Variants in CASKIN2 observed in about 807,000 individuals in gnomAD.
The protein encoded by CASKIN2 is CASK interacting protein 2, also known as caskin-2.
In CASKIN2, 41 loss-of-function variants were observed where a neutral mutation model predicts 107.1. The ratio of observed to expected loss-of-function variants is 0.38; its 90% confidence interval spans 0.30 to 0.50. The LOEUF (loss-of-function observed/expected upper bound fraction) is 0.50. Ranked by LOEUF, CASKIN2 falls within the 20% of genes least tolerant of loss-of-function variation. The pLI, the probability that CASKIN2 is intolerant of heterozygous loss-of-function variation, is 0.92. For missense variants in CASKIN2, 1,546 were observed against 1,657.4 expected (o/e 0.93, Z 1.17); for synonymous variants, 724 against 705.6 (o/e 1.03, Z -0.41).
chr17:75,504,332 G>A lies in CASKIN2; in HGVS notation c.1376-26C>T, dbSNP rs771982307. The A allele has an allele frequency of 5.0e-6, 8 of 1,600,760 alleles. No homozygotes were observed. In the African/African-American group the frequency reaches 9.4e-5, roughly 19 times the overall value. ...CTTCAAGGAGAGAGAAAAATGGAATGGAAAGGTGGCAGGAGGAAGGGGTGC... is the reference window on the plus strand; with the variant it reads ...CTTCAAGGAGAGAGAAAAATGGAATAGAAAGGTGGCAGGAGGAAGGGGTGC... On this transcript the variant is annotated intron_variant, in intron 13 of 19. Transcript: ENST00000321617.
At chr17:75,504,722 A>T in intron 11 of CASKIN2, 29 bp from the exon 12 acceptor site, 1 of 1,581,590 alleles carries the variant, frequency 6.3e-7, no homozygotes, top group Non-Finnish European at 8.6e-7. Flanking sequence ...AAGGGGTCAG[A>T]GTCCCAAGTG....
chr17:75,502,486 G>A lies in CASKIN2; in HGVS notation c.2588C>T (p.Ala863Val), dbSNP rs1317399612. ...CGGGGGCGGGGGGCCTTTGCGCCGG[G>A]CCCGCAGGGCAAAGGACTGGCTGCG... ...TPRSQSFALR[A>V]RRKGPPPPPP... is the part of the protein sequence containing the mutation. The change falls in exon 18 of 20, where the codon GCC becomes GTC. Residue 863 changes from alanine to valine, a missense_variant. Ala to Val is a moderately conservative substitution (Grantham distance 64). This residue lies in a region of CASKIN2 where 1,311 missense variants were observed against 1,311.0 expected (regional missense o/e 1.00). Coordinates refer to ENST00000321617, the MANE Select transcript of CASKIN2 (RefSeq NM_020753.5). This position sits in a 1 kb window ranked among gnomAD's most constrained non-coding sequence, Gnocchi z 4.3. 2 of 1,454,060 alleles carry A rather than the reference G, an allele frequency of 1.4e-6. No homozygotes were observed. The highest frequency in any genetic ancestry group is 2.5e-5 in the East Asian group (1 of 40,246). 90.1% of individuals were successfully genotyped at this position (1,454,060 alleles called of 1,614,324 possible).
In CASKIN2 at chr17:75,502,041, C is replaced by G; in HGVS notation, c.3033G>C (p.Val1011=). The part of the protein sequence containing the change: ...PLQTALLAFG[V]ASATPGPAAP... Reference sequence around the variant, plus strand: ...CAGCGGGGCCAGGCGTGGCACTGGCCACTCCGAAGGCCAGCAGTGCGGTCT... The same window carrying G: ...CAGCGGGGCCAGGCGTGGCACTGGCGACTCCGAAGGCCAGCAGTGCGGTCT... The change falls in exon 18 of 20, where the codon GTG becomes GTC. Residue 1011 remains valine (V), a synonymous_variant. Transcript: ENST00000321617. The surrounding 1 kb of genome is among the most constrained non-coding windows in gnomAD (Gnocchi z 4.3). 1.2e-6 allele frequency: 2 copies of G among 1,612,580 alleles called. No homozygotes were observed. Among genetic ancestry groups the G allele is most frequent in the African/African-American group, 2.7e-5 (2 of 74,988 alleles).
Position 75,502,617 on chromosome 17 carries a change from C to T in CASKIN2, c.2457G>A (p.Val819=). The T allele has an allele frequency of 6.2e-7, 1 of 1,604,646 alleles. No homozygotes were observed. Among genetic ancestry groups the T allele is most frequent in the Non-Finnish European group, 8.5e-7 (1 of 1,175,530 alleles). The change falls in exon 18 of 20, where the codon GTG becomes GTA. Residue 819 remains valine, a synonymous_variant. Coordinates refer to ENST00000321617, the MANE Select transcript of CASKIN2 (RefSeq NM_020753.5). The surrounding 1 kb of genome is among the most constrained non-coding windows in gnomAD (Gnocchi z 4.3). ...GDAEGEAEGP[V]GSTLGSYATL... The stretch of plus-strand genomic sequence containing the variant: ...TAGCATAACTGCCTAGGGTGCTGCC[C>T]ACTGGCCCTTCGGCCTCCCCCTCAG...
intron 2 of CASKIN2, among the ~76,000 whole-genome samples, chr17:75,512,729 GA>G (rs2053324777): frequency 6.6e-6 from 1 of 152,042 alleles, no homozygotes. Context: ...CCTAGATGGT[GA>G]AACCCCGTCT....
At position 75,505,651 on chromosome 17, in the gene CASKIN2, T is replaced by G. The variant is rs2053257363; in HGVS notation, c.836A>C (p.Glu279Ala). ...TCGGACCTTCAGGATCCCTGAGGCCTCTAAGAAAACGGGGTGGGGGACAGG... is the reference window on the plus strand; with the variant it reads ...TCGGACCTTCAGGATCCCTGAGGCCGCTAAGAAAACGGGGTGGGGGACAGG... ...ASREIKQLLREASGILKVRAL... is the reference protein window; with the variant it reads ...ASREIKQLLRAASGILKVRAL... Residue 279 changes from glutamate to alanine, a missense_variant and splice_region_variant, in exon 10 of 20, where the codon GAG becomes GCG. Physicochemically the swap from Glu to Ala is moderately radical, Grantham distance 107 (BLOSUM62 -1). Coordinates refer to ENST00000321617, the MANE Select transcript of CASKIN2 (RefSeq NM_020753.5). The surrounding 1 kb of genome is among the most constrained non-coding windows in gnomAD (Gnocchi z 5.1). The G allele has an allele frequency of 1.2e-6, 2 of 1,612,608 alleles. No homozygotes were observed. The highest frequency in any genetic ancestry group is 1.7e-6 in the Non-Finnish European group (2 of 1,179,728).
chr17:75,510,867 C>T (rs967590939), intron 2 of CASKIN2, among the ~76,000 whole-genome samples: 16 of 151,934 alleles, frequency 1.1e-4, no homozygotes, highest in African/African-American at 3.9e-4. Context: ...ACAGGGCCAA[C>T]AGGACTATAG....
intron 14 of CASKIN2, 85 bp from the exon 15 acceptor site, chr17:75,504,047 G>C (rs757276850): frequency 5.4e-6 from 7 of 1,304,126 alleles, no homozygotes; most frequent in Non-Finnish European, 7.5e-6. Flanking sequence ...CTGCCTGAGC[G>C]GGGCTTCAGT....
At position 75,511,764 on chromosome 17, in the gene CASKIN2, C is replaced by G. The variant is rs375389360; in HGVS notation, c.94+1947G>C. Among the ~76,000 whole-genome samples the G allele has an allele frequency of 2.0e-5, 3 of 152,166 alleles. No individual in the cohort carries two copies. The South Asian group carries it at 6.2e-4, about 32-fold the overall frequency. On this transcript the variant is annotated intron_variant, in intron 2 of 19. Transcript: ENST00000321617. ...GAAGGGACCTCCTTCCCCACAGACG[C>G]TTCCCACTGGGCACAAGGGAACTTC...
intron 2 of CASKIN2, chr17:75,509,965 C>T (rs139678083): frequency 5.1e-6 from 5 of 981,352 alleles, no homozygotes; most frequent in African/African-American, 3.5e-5. Flanking sequence ...GCCGGAAAGG[C>T]GGTGGGGAAG....
intron 2 of CASKIN2, among the ~76,000 whole-genome samples, chr17:75,512,034 G>A (rs562375568): frequency 6.6e-6 from 1 of 152,304 alleles, no homozygotes; most frequent in Admixed American, 6.5e-5. Flanking sequence ...CACCCACCCT[G>A]TGTCCACTTC....
Position 75,501,187 on chromosome 17 carries a change from G to T in CASKIN2, c.3519-17C>A. On this transcript the variant is annotated splice_polypyrimidine_tract_variant and intron_variant, in intron 19 of 19. Transcript: ENST00000321617. ...CTGGGGGTGCTGCAGCAAGGGGAAGGATGCGGTCAGATCAGCCAGTGGCCT... is the reference window on the plus strand; with the variant it reads ...CTGGGGGTGCTGCAGCAAGGGGAAGTATGCGGTCAGATCAGCCAGTGGCCT... The T allele has an allele frequency of 1.3e-6, 2 of 1,564,552 alleles. No homozygotes were observed. Among genetic ancestry groups the T allele is most frequent in the Non-Finnish European group, 1.7e-6 (2 of 1,154,138 alleles).
chr17:75,502,593 A>G lies in CASKIN2; in HGVS notation c.2481T>C (p.Ala827=), dbSNP rs2053212346. ...TGCGTCCTGGCCGCCGGGTAAGGGT[A>G]GCATAACTGCCTAGGGTGCTGCCCA... is the stretch of plus-strand genomic sequence containing the variant. ...GPVGSTLGSY[A]TLTRRPGRSA... Residue 827 remains alanine (A), a synonymous_variant, in exon 18 of 20, where the codon GCT becomes GCC. Coordinates refer to ENST00000321617, the MANE Select transcript of CASKIN2 (RefSeq NM_020753.5). The surrounding 1 kb of genome is among the most constrained non-coding windows in gnomAD (Gnocchi z 4.3). 6.3e-7 allele frequency: 1 copy of G among 1,599,766 alleles called. No individual in the cohort carries two copies. Among genetic ancestry groups the G allele is most frequent in the South Asian group, 1.1e-5 (1 of 89,266 alleles).
Position 75,506,733 on chromosome 17 carries a change from G to C in CASKIN2, c.487-20C>G. On this transcript the variant is annotated intron_variant, in intron 6 of 19. Transcript: ENST00000321617. This position sits in a 1 kb window ranked among gnomAD's most constrained non-coding sequence, Gnocchi z 4.8. ...GGCCACCTGCAGCACCCAGTGCCCA[G>C]TTAGAGCCTCCTCCTGAGACCCTGT... 1 of 1,613,668 alleles carries C rather than the reference G, an allele frequency of 6.2e-7. No homozygotes were observed. Among genetic ancestry groups the C allele is most frequent in the South Asian group, 1.1e-5 (1 of 91,082 alleles).
intron 3 of CASKIN2, 127 bp from the exon 4 acceptor site, chr17:75,507,808 AG>A (rs906440647): frequency 2.9e-6 from 2 of 697,426 alleles, no homozygotes; most frequent in Non-Finnish European, 4.9e-6. Context: ...CAACCCCAGC[AG>A]CCCTGCCGTG....
chr17:75,507,841 A>G, intron 3 of CASKIN2, 160 bp from the exon 4 acceptor site: 1 of 610,628 alleles, frequency 1.6e-6, no homozygotes, highest in South Asian at 1.9e-5. Context: ...GCTGAGCCAC[A>G]GCATGAAAGG....
chr17:75,501,127 T>G lies in CASKIN2; in HGVS notation c.3562A>C (p.Thr1188Pro). 1 of 1,593,240 alleles carries G rather than the reference T, an allele frequency of 6.3e-7. No individual in the cohort carries two copies. Among genetic ancestry groups the G allele is most frequent in the Non-Finnish European group, 8.5e-7 (1 of 1,169,872 alleles). The change falls in exon 20 of 20, where the codon ACC becomes CCC. Residue 1188 changes from threonine to proline, a missense_variant. Around this residue, in one of 6 missense-constraint regions of CASKIN2, gnomAD observed 1,311 missense variants for 1,311.0 expected, o/e 1.00. Transcript: ENST00000321617. ...STKHILDDIS[T>P]MFDALADQLD... ...TGGTCAGCCAGGGCGTCGAACATGG[T>G]GCTGATGTCATCCAGAATGTGCTTG...
At position 75,501,648 on chromosome 17, in the gene CASKIN2, G is replaced by A. The variant is rs1306315268; in HGVS notation, c.3338C>T (p.Ala1113Val). The A allele has an allele frequency of 1.3e-6, 2 of 1,592,310 alleles. No homozygotes were observed. Among genetic ancestry groups the A allele is most frequent in the African/African-American group, 1.3e-5 (1 of 74,792 alleles). ...KPVSVACTQL[A>V]FSGPKLAPRL... is the part of the protein sequence containing the mutation. ...GGGCGCTAGCTTAGGGCCAGAAAAT[G>A]CCAGCTGGGTGCAGGCCACCGACAC... Residue 1113 changes from alanine to valine, a missense_variant, in exon 19 of 20, where the codon GCA becomes GTA. Physicochemically the swap from Ala to Val is moderately conservative, Grantham distance 64. Coordinates refer to ENST00000321617, the MANE Select transcript of CASKIN2 (RefSeq NM_020753.5).
chr17:75,507,563 G>T, intron 4 of CASKIN2, 21 bp downstream of exon 4: 1 of 1,587,220 alleles, frequency 6.3e-7, no homozygotes. Context: ...GGTGGGGGTC[G>T]GGGGCACATG....
Sources: gnomAD v4.1 joint callset for allele counts (sites outside exome capture counted in the v4.1 genomes callset) on GRCh38, gnomAD v4.1.1 for gene constraint, gnomAD v4.1.1 regional missense constraint, Gnocchi (gnomAD v3.1) non-coding constraint, MANE v1.5 for transcripts, NCBI Gene and HGNC (gene_info 2026-07-23, HGNC 2026-07-21) for gene names.